PLCH1: variants seen among roughly 807,000 people sequenced by gnomAD.
PLCH1 encodes the protein phospholipase C eta 1.
PLCH1 carries 60 observed loss-of-function variants against 126.7 expected under a neutral mutation model. The observed-to-expected ratio is 0.47, with a 90% CI of 0.38 to 0.59. The LOEUF (loss-of-function observed/expected upper bound fraction) is 0.59. PLCH1 is among the 20% of genes least tolerant of loss of function. The pLI is 0.00. For missense variants in PLCH1, 1,723 were observed against 2,040.0 expected, an observed-to-expected ratio of 0.84 and a Z score of 2.99; for synonymous variants, 719 against 734.9, an observed-to-expected ratio of 0.98 and a Z score of 0.35.
intron 2 of PLCH1, among the ~76,000 whole-genome samples, chr3:155,668,980 G>A (rs1743091889): frequency 6.6e-6 from 1 of 152,142 alleles, no homozygotes; most frequent in Non-Finnish European, 1.5e-5. Flanking sequence ...GTCCCCTTGT[G>A]CATAACTGGG....
intron 10 of PLCH1, among the ~76,000 whole-genome samples, chr3:155,543,024 C>T (rs1292909939): frequency 1.3e-5 from 2 of 152,204 alleles, no homozygotes; most frequent in East Asian, 1.9e-4. Context: ...AGCAACGGAA[C>T]AAAGCTGGAT....
chr3:155,505,589 T>C (rs911223905), intron 12 of PLCH1, among the ~76,000 whole-genome samples: 60 of 152,100 alleles, frequency 3.9e-4, no homozygotes, highest in African/African-American at 1.4e-3. Flanking sequence ...AAGATGCAAG[T>C]AGGGGTAGGA....
chr3:155,478,695 A>T (rs910335474), downstream of PLCH1, among the ~76,000 whole-genome samples: 4 of 152,304 alleles, frequency 2.6e-5, no homozygotes, highest in East Asian at 1.9e-4. Context: ...AATTAAGCTT[A>T]TTTAATTAAA....
At chr3:155,455,906 A>G (rs1386317874) in intron 21 of PLCH1, among the ~76,000 whole-genome samples, 1 of 152,218 alleles carries the variant, frequency 6.6e-6, no homozygotes, top group African/African-American at 2.4e-5. Context: ...AGGACTGATA[A>G]GCCCTAATAA....
In PLCH1 at chr3:155,549,838, C is replaced by T. The variant is rs760160566; in HGVS notation, c.1311G>A (p.Glu437=). The T allele has an allele frequency of 6.2e-6, 10 of 1,613,888 alleles. No homozygotes were observed. The South Asian group carries it at 1.1e-4, about 18-fold the overall frequency. Residue 437 remains glutamate (E), a synonymous_variant, in exon 10 of 23, where the codon GAG becomes GAA. Transcript: ENST00000460012. ...KLDLSSVDTG[E]CKQLPSPQSL... Reference sequence around the variant, plus strand: ...TTTGAGGGCTTGGAAGCTGCTTGCACTCCCCTGTATCAACAGATGACAGGT... The same window carrying T: ...TTTGAGGGCTTGGAAGCTGCTTGCATTCCCCTGTATCAACAGATGACAGGT...
intron 2 of PLCH1, among the ~76,000 whole-genome samples, chr3:155,681,268 T>G (rs1052247304): frequency 6.6e-6 from 1 of 152,206 alleles, no homozygotes; most frequent in African/African-American, 2.4e-5. Flanking sequence ...TAATATAATA[T>G]GGAAAACTTG....
intron 10 of PLCH1, among the ~76,000 whole-genome samples, chr3:155,540,813 C>T (rs1724130260): frequency 6.6e-6 from 1 of 151,754 alleles, no homozygotes; most frequent in African/African-American, 2.4e-5. Flanking sequence ...ACTAGTACAA[C>T]CATTATGGAA....
At chr3:155,555,651 A>C (rs1726728615) in intron 8 of PLCH1, among the ~76,000 whole-genome samples, 1 of 152,204 alleles carries the variant, frequency 6.6e-6, no homozygotes, top group Admixed American at 6.5e-5. Context: ...ACCCAAGCTC[A>C]CAGGCTTGTT....
intron 21 of PLCH1, among the ~76,000 whole-genome samples, chr3:155,469,090 G>C (rs1010779374): frequency 6.6e-5 from 10 of 152,138 alleles, no homozygotes; most frequent in Non-Finnish European, 2.9e-5. Flanking sequence ...GGCCGAATAG[G>C]AACAGCTCCG....
intron 2 of PLCH1, among the ~76,000 whole-genome samples, chr3:155,618,126 A>C (rs1197379688): frequency 6.6e-6 from 1 of 152,218 alleles, no homozygotes; most frequent in Non-Finnish European, 1.5e-5. Context: ...TTGCAAACAA[A>C]TTGGTTCTAC....
intron 18 of PLCH1, among the ~76,000 whole-genome samples, chr3:155,491,341 GC>G (rs1265919856): frequency 2.0e-5 from 3 of 152,190 alleles, no homozygotes; most frequent in South Asian, 2.1e-4. Flanking sequence ...TTAGCTCATG[GC>G]AGCCTCCACC....
Position 155,480,832 on chromosome 3 carries a change from T to C in PLCH1, c.*136A>G, listed in dbSNP as rs141255969. The C allele has an allele frequency of 3.5e-4, 253 of 719,008 alleles. No individual in the cohort carries two copies. The highest frequency in any genetic ancestry group is 2.6e-3 in the African/African-American group (147 of 57,050). The allele number at this position is 719,008 out of a possible 1,614,324, so 44.5% of individuals were successfully genotyped here. On this transcript the variant is annotated 3_prime_UTR_variant, in exon 23 of 23. Transcript: ENST00000460012. ...CAAACGCATTAACAGGGAGAACACA[T>C]GAAGTCAAAGGGAGACCCAAATACA...
At position 155,481,011 on chromosome 3, in the gene PLCH1, C is replaced by T. The variant is rs770636945; in HGVS notation, c.5015G>A (p.Ser1672Asn). Residue 1672 changes from serine (S) to asparagine (N), a missense_variant, in exon 23 of 23, where the codon AGC (serine) becomes AAC (asparagine). By Grantham distance (46) the Ser-to-Asn change is conservative (BLOSUM62 1). Transcript: ENST00000460012. This position sits in a 1 kb window ranked among gnomAD's most constrained non-coding sequence, Gnocchi z 4.2. The part of the protein sequence containing the change: ...SDNSVLQTEP[S>N]SDDKPEIYFL... ...ATAAATTTCTGGTTTATCATCACTG[C>T]TTGGCTCAGTCTGCAAAACAGAATT... The T allele has an allele frequency of 6.2e-7, 1 of 1,608,230 alleles. No individual in the cohort carries two copies. Among genetic ancestry groups the T allele is most frequent in the South Asian group, 1.1e-5 (1 of 90,942 alleles).
chr3:155,694,181 T>C (rs1559941720), intron 2 of PLCH1, among the ~76,000 whole-genome samples: 2 of 152,174 alleles, frequency 1.3e-5, no homozygotes, highest in South Asian at 4.1e-4. Context: ...TTGGTCATAT[T>C]GTAGGTGGGT....
intron 21 of PLCH1, chr3:155,486,119 AGAACAAAGCACCATGCT>A: frequency 7.0e-7 from 1 of 1,426,518 alleles, no homozygotes; most frequent in Non-Finnish European, 9.6e-7. Context: ...TATGCCAGCC[AGAACAAAGCACCATGCT>A]GAGAAACTAC....
At chr3:155,658,730 T>A (rs1490275645) in intron 2 of PLCH1, 9 of 152,238 alleles carry the variant, frequency 5.9e-5, no homozygotes, top group Non-Finnish European at 1.3e-4. Context: ...TCACTTTTGA[T>A]GCAACTACTT....
At position 155,485,368 on chromosome 3, in the gene PLCH1, C is replaced by G. The variant is rs762748747; in HGVS notation, c.2962G>C (p.Glu988Gln). The change falls in exon 22 of 23, where the codon GAA (glutamate) becomes CAA (glutamine). Residue 988 changes from glutamate (E) to glutamine (Q), a missense_variant. Physicochemically the swap from Glu to Gln is conservative, Grantham distance 29. Coordinates refer to ENST00000460012, the MANE Select transcript of PLCH1 (RefSeq NM_014996.4). ...TAAAGCATCTTACCTAGAGAGTTTTCTTTTCCTTCAATGTCTTTTGCTGTT... is the reference window on the plus strand; with the variant it reads ...TAAAGCATCTTACCTAGAGAGTTTTGTTTTCCTTCAATGTCTTTTGCTGTT... ...SETAKDIEGK[E>Q]NSLAEDKDGR... is the part of the protein sequence containing the mutation. 1 of 1,599,736 alleles carries G rather than the reference C, an allele frequency of 6.3e-7. No homozygotes were observed. The highest frequency in any genetic ancestry group is 1.1e-5 in the South Asian group (1 of 90,742).
intron 1 of PLCH1, among the ~76,000 whole-genome samples, chr3:155,719,033 T>C (rs1008675587): frequency 2.2e-4 from 34 of 152,128 alleles, no homozygotes; most frequent in African/African-American, 8.2e-4. Flanking sequence ...TTCCAAAAGT[T>C]TTTTGGAAAA....
intron 6 of PLCH1, among the ~76,000 whole-genome samples, chr3:155,582,240 A>G (rs201480116): frequency 6.6e-6 from 1 of 151,024 alleles, no homozygotes; most frequent in East Asian, 2.0e-4. Flanking sequence ...TCGCCACCAC[A>G]GCCAGCTAAT....
Sources: gnomAD v4.1 joint callset for allele counts (sites outside exome capture counted in the v4.1 genomes callset) on GRCh38, gnomAD v4.1.1 for gene constraint, Gnocchi (gnomAD v3.1) non-coding constraint, MANE v1.5 for transcripts, NCBI Gene and HGNC (gene_info 2026-07-23, HGNC 2026-07-21) for gene names.